The following SEPTIN9 variants were observed in gnomAD, a reference collection of about 807,000 sequenced individuals.
The protein encoded by SEPTIN9 is septin-9.
Under a neutral mutation model 56.6 loss-of-function variants are expected in SEPTIN9, and 13 were observed. The ratio of observed to expected loss-of-function variants is 0.23; its 90% CI spans 0.15 to 0.37. The LOEUF is 0.37. SEPTIN9 is among the 10% of genes least tolerant of loss of function. The pLI, the probability that SEPTIN9 is intolerant of heterozygous loss-of-function variation, is 1.00. For missense variants in SEPTIN9, 650 were observed against 823.1 expected (o/e 0.79, Z 2.57); for synonymous variants, 332 against 334.1 (o/e 0.99, Z 0.07).
chr17:77,475,741 T>C lies in SEPTIN9; in HGVS notation c.722-6403T>C. 1.2e-6 allele frequency: 2 copies of C among 1,613,174 alleles called. No individual in the cohort carries two copies. Among genetic ancestry groups the C allele is most frequent in the East Asian group, 2.2e-5 (1 of 44,884 alleles). On this transcript the variant is annotated intron_variant, in intron 3 of 11. Coordinates refer to ENST00000427177, the MANE Select transcript of SEPTIN9 (RefSeq NM_001113491.2). The surrounding 1 kb of genome is among the most constrained non-coding windows in gnomAD (Gnocchi z 4.6). ...CCGGGGCAAGGGCACCAGCTGTAGA[T>C]GCCGGCAGCTTTCTCCTGGACACGG...
At position 77,456,435 on chromosome 17, in the gene SEPTIN9, A is replaced by C. The variant is rs1049551848; in HGVS notation, c.722-25709A>C. 4 of 152,382 alleles carry C rather than the reference A, an allele frequency of 2.6e-5. No individual in the cohort carries two copies. The highest frequency in any genetic ancestry group is 9.7e-5 in the African/African-American group (4 of 41,426). The allele number at this position is 152,382 out of a possible 1,614,324, so 9.4% of individuals were successfully genotyped here. On this transcript the variant is annotated intron_variant, in intron 3 of 11. Transcript: ENST00000427177. The surrounding 1 kb of genome is among the most constrained non-coding windows in gnomAD (Gnocchi z 6.0). ...CTAGGGCAGGCCACACGCTGTGCTA[A>C]TGGATTGCTGTTACCTGTCGCCTCT... is the stretch of plus-strand genomic sequence containing the variant.
At chr17:77,459,242 C>T (rs145228823) in intron 3 of SEPTIN9, among the ~76,000 whole-genome samples, 1 of 152,342 alleles carries the variant, frequency 6.6e-6, no homozygotes, top group East Asian at 1.9e-4. Flanking sequence ...TGCCTCCTGG[C>T]CCTGTCCAGG....
intron 3 of SEPTIN9, among the ~76,000 whole-genome samples, chr17:77,478,860 G>T (rs2039334082): frequency 6.6e-6 from 1 of 151,756 alleles, no homozygotes; most frequent in Admixed American, 6.6e-5. Context: ...CCGTAAAGAG[G>T]AAGTTAGGAT....
rs569256578 is a variant in SEPTIN9, at chr17:77,283,183, A to G, written c.19+1629A>G. Among the ~76,000 whole-genome samples the G allele has an allele frequency of 3.3e-5, 5 of 151,176 alleles. No homozygotes were observed. In the South Asian group the frequency reaches 1.0e-3, roughly 32 times the overall value. Reference sequence around the variant, plus strand: ...TTCTTTTTTTTTTTTTTTTTTAAAAAAAAGGACAGAACCTTTTGCAGTAGG... The same window carrying G: ...TTCTTTTTTTTTTTTTTTTTTAAAAGAAAGGACAGAACCTTTTGCAGTAGG... On this transcript the variant is annotated intron_variant, in intron 1 of 11. Coordinates refer to ENST00000427177, the MANE Select transcript of SEPTIN9 (RefSeq NM_001113491.2).
intron 1 of SEPTIN9, among the ~76,000 whole-genome samples, chr17:77,305,933 T>G: frequency 8.8e-6 from 1 of 113,354 alleles, no homozygotes; most frequent in African/African-American, 3.5e-5. Context: ...GGTGGATGGA[T>G]GGATGGATGA....
At chr17:77,354,320 A>G (rs1042525274) in intron 2 of SEPTIN9, among the ~76,000 whole-genome samples, 4 of 152,212 alleles carry the variant, frequency 2.6e-5, no homozygotes, top group African/African-American at 9.6e-5. Context: ...CCTTACACGC[A>G]CATGAACGCT....
chr17:77,488,159 T>G (rs2039874587), intron 5 of SEPTIN9, 81 bp from the exon 6 acceptor site: 1 of 1,313,714 alleles, frequency 7.6e-7, no homozygotes, highest in African/African-American at 1.4e-5. Flanking sequence ...TACCTGGGGT[T>G]GCCCCGGGGT....
rs1418611671 is a variant in SEPTIN9, at chr17:77,492,167, C to T, written c.1381-454C>T. Among the ~76,000 whole-genome samples, 2 of 152,260 alleles carry T rather than the reference C, an allele frequency of 1.3e-5. No individual in the cohort carries two copies. The highest frequency in any genetic ancestry group is 2.9e-5 in the Non-Finnish European group (2 of 68,018). The stretch of plus-strand genomic sequence containing the variant: ...GGGCTGTGGTCTGTGCCTGGGCAGG[C>T]GAGCAGCCGCTCACTGGGATGTTTC... On this transcript the variant is annotated intron_variant, in intron 8 of 11. Coordinates refer to ENST00000427177, the MANE Select transcript of SEPTIN9 (RefSeq NM_001113491.2). This position sits in a 1 kb window ranked among gnomAD's most constrained non-coding sequence, Gnocchi z 5.4.
At chr17:77,408,044 CG>C (rs960198042) in intron 3 of SEPTIN9, among the ~76,000 whole-genome samples, 3 of 151,840 alleles carry the variant, frequency 2.0e-5, no homozygotes, top group African/African-American at 7.3e-5. Context: ...CCTTATAAGG[CG>C]GGTGCTCAGC....
intron 2 of SEPTIN9, among the ~76,000 whole-genome samples, chr17:77,390,848 G>T (rs902617342): frequency 6.6e-6 from 1 of 152,158 alleles, no homozygotes; most frequent in Admixed American, 6.5e-5. Flanking sequence ...CAGGTAGGGC[G>T]ACCGTATAAC....
rs1233034977 is a variant in SEPTIN9 at position 77,437,800 on chromosome 17, G to A, written c.721+35097G>A. On this transcript the variant is annotated intron_variant, in intron 3 of 11. Transcript: ENST00000427177. This position sits in a 1 kb window ranked among gnomAD's most constrained non-coding sequence, Gnocchi z 5.3. Reference sequence around the variant, plus strand: ...TTTCTGCTGCCCCCCAACCCCTTTCGGGTACATTCTCCTGTAGCCCCACTC... The same window carrying A: ...TTTCTGCTGCCCCCCAACCCCTTTCAGGTACATTCTCCTGTAGCCCCACTC... Among the ~76,000 whole-genome samples, 2 of 152,184 alleles carry A rather than the reference G, an allele frequency of 1.3e-5. No individual in the cohort carries two copies. The highest frequency in any genetic ancestry group is 2.4e-5 in the African/African-American group (1 of 41,442).
At chr17:77,342,500 T>C (rs898826437) in intron 2 of SEPTIN9, among the ~76,000 whole-genome samples, 47 of 152,368 alleles carry the variant, frequency 3.1e-4, no homozygotes, top group African/African-American at 1.1e-3. Context: ...AGTTTCTCTG[T>C]TATCTTCATT....
intron 3 of SEPTIN9, among the ~76,000 whole-genome samples, chr17:77,478,475 A>G (rs941615100): frequency 2.6e-5 from 4 of 152,214 alleles, no homozygotes; most frequent in African/African-American, 9.6e-5. Context: ...GCGGGTAGAA[A>G]CAACCCGAAT....
Position 77,450,388 on chromosome 17 carries a change from C to G in SEPTIN9, c.722-31756C>G, listed in dbSNP as rs1461909366. 2.7e-6 allele frequency: 2 copies of G among 745,884 alleles called. No individual in the cohort carries two copies. The highest frequency in any genetic ancestry group is 3.3e-6 in the Non-Finnish European group (2 of 611,168). 46.2% of individuals were successfully genotyped at this position (745,884 alleles called of 1,614,324 possible). A position where few individuals can be genotyped will look rare whatever the true frequency, so the allele number is the denominator to read the frequency against. ...GAGGGCGTAGCTTCCAGAATTCAGCCCCTGGCCCTCAGAAGGTGTCACCAA... is the reference window on the plus strand; with the variant it reads ...GAGGGCGTAGCTTCCAGAATTCAGCGCCTGGCCCTCAGAAGGTGTCACCAA... On this transcript the variant is annotated intron_variant, in intron 3 of 11. Transcript: ENST00000427177. The surrounding 1 kb of genome is among the most constrained non-coding windows in gnomAD (Gnocchi z 6.0).
intron 4 of SEPTIN9, among the ~76,000 whole-genome samples, chr17:77,485,710 G>A (rs953761037): frequency 1.3e-5 from 2 of 152,030 alleles, no homozygotes; most frequent in Non-Finnish European, 2.9e-5. Context: ...TGGACGAGGA[G>A]TGTCCGTCCT....
chr17:77,287,459 G>A (rs1995755), intron 1 of SEPTIN9, among the ~76,000 whole-genome samples: 71,040 of 152,106 alleles, frequency 0.47, 18,965 homozygotes, highest in East Asian at 0.72. Flanking sequence ...CTCTCCATGT[G>A]GATTTGGTCA....
At chr17:77,298,577 T>C (rs1188808706) in intron 1 of SEPTIN9, among the ~76,000 whole-genome samples, 3 of 152,236 alleles carry the variant, frequency 2.0e-5, no homozygotes, top group Non-Finnish European at 2.9e-5. Context: ...GACGGTTTCC[T>C]GTTGGTTCTC....
chr17:77,361,035 T>G (rs1456886747), intron 2 of SEPTIN9, among the ~76,000 whole-genome samples: 1 of 150,626 alleles, frequency 6.6e-6, no homozygotes, highest in Admixed American at 6.6e-5. Flanking sequence ...GTGATTCTCC[T>G]GCCTCAGCCT....
intron 2 of SEPTIN9, among the ~76,000 whole-genome samples, chr17:77,387,647 C>G (rs1259925836): frequency 6.6e-6 from 1 of 152,116 alleles, no homozygotes; most frequent in Non-Finnish European, 1.5e-5. Context: ...CATCTCAGGT[C>G]CTCTGAATGG....
Sources: allele counts gnomAD v4.1 joint callset (sites outside exome capture counted in the v4.1 genomes callset), GRCh38; gene constraint gnomAD v4.1.1; non-coding constraint Gnocchi (gnomAD v3.1); transcripts MANE v1.5; gene names NCBI Gene and HGNC (gene_info 2026-07-23, HGNC 2026-07-21).